Variants in OXR1 observed in about 807,000 individuals in gnomAD.
OXR1 encodes oxidation resistance protein 1.
OXR1 carries 41 observed loss-of-function variants against 104.6 expected under a neutral mutation model. That is an observed-to-expected ratio of 0.39 (90% CI 0.31 to 0.51). OXR1 has a LOEUF of 0.51. Ranked by LOEUF, OXR1 falls within the 20% of genes least tolerant of loss-of-function variation. The pLI is 0.77. For synonymous variants in OXR1, 348 were observed against 348.4 expected, an observed-to-expected ratio of 1.00 and a Z score of 0.01; for missense variants, 955 against 1,031.9, an observed-to-expected ratio of 0.93 and a Z score of 1.02.
intron 9 of OXR1, among the ~76,000 whole-genome samples, chr8:106,710,021 A>C (rs1164935422): frequency 6.6e-6 from 1 of 152,092 alleles, no homozygotes; most frequent in Admixed American, 6.6e-5. Context: ...TGGGTTCCTA[A>C]ATTCACCTAT....
At chr8:106,475,056 C>A (rs1821725533) in intron 2 of OXR1, among the ~76,000 whole-genome samples, 1 of 151,966 alleles carries the variant, frequency 6.6e-6, no homozygotes, top group South Asian at 2.1e-4. Flanking sequence ...CATAGGATTT[C>A]TGTAAAATCA....
intron 12 of OXR1, 29 bp downstream of exon 12, chr8:106,737,629 C>G (rs1194956722): frequency 6.2e-6 from 6 of 972,692 alleles, no homozygotes; most frequent in African/African-American, 1.7e-5. Context: ...TAAACCCCTC[C>G]AGAGACTAAA....
At chr8:106,513,837 G>T (rs1812693001) in intron 2 of OXR1, among the ~76,000 whole-genome samples, 2 of 151,994 alleles carry the variant, frequency 1.3e-5, no homozygotes, top group Admixed American at 1.3e-4. Flanking sequence ...AACCTTTCTG[G>T]GTATATTTTA....
chr8:106,282,883 T>A (rs945910462), intron 1 of OXR1, among the ~76,000 whole-genome samples: 24 of 152,344 alleles, frequency 1.6e-4, no homozygotes, highest in Non-Finnish European at 2.4e-4. Flanking sequence ...ATTCATTCTT[T>A]TAAAATTTGA....
chr8:106,348,451 C>T (rs1005737686), intron 1 of OXR1, among the ~76,000 whole-genome samples: 1 of 152,016 alleles, frequency 6.6e-6, no homozygotes, highest in African/African-American at 2.4e-5. Context: ...TTAAATGTGC[C>T]TAAGATATTT....
chr8:106,658,053 T>C, intron 3 of OXR1: 10 of 1,248,220 alleles, frequency 8.0e-6, no homozygotes, highest in Non-Finnish European at 9.1e-6. Context: ...CAACCGCCTG[T>C]TGGGGTTCGG....
chr8:106,380,253 T>C (rs903483653), intron 2 of OXR1, among the ~76,000 whole-genome samples: 3 of 149,098 alleles, frequency 2.0e-5, no homozygotes, highest in African/African-American at 7.8e-5. Flanking sequence ...TTTTTCCCCT[T>C]AACATAATGT....
chr8:106,310,213 G>C (rs60965846), intron 1 of OXR1, among the ~76,000 whole-genome samples: 6 of 143,992 alleles, frequency 4.2e-5, no homozygotes, highest in African/African-American at 1.6e-4. Flanking sequence ...GTTAATAATT[G>C]GTACAGTTCC....
At chr8:106,647,107 G>A (rs565995321) in intron 3 of OXR1, among the ~76,000 whole-genome samples, 7 of 152,328 alleles carry the variant, frequency 4.6e-5, no homozygotes, top group African/African-American at 1.7e-4. Context: ...AATTATAATT[G>A]TTAACGATGC....
chr8:106,657,994 A>G lies in OXR1; in HGVS notation c.221-21216A>G, dbSNP rs937414931. The G allele has an allele frequency of 1.5e-5, 19 of 1,248,294 alleles. No individual in the cohort carries two copies. In the African/African-American group the frequency reaches 2.5e-4, roughly 16 times the overall value. The allele number at this position is 1,248,294 out of a possible 1,614,324, so 77.3% of individuals were successfully genotyped here. ...GTCCAGCCCCGCGGCAGCATGGACT[A>G]CCTGACGACGTTCACCGAGAAGAGT... On this transcript the variant is annotated intron_variant, in intron 3 of 16. Transcript: ENST00000517566.
chr8:106,451,738 G>A (rs1259610184), intron 2 of OXR1, among the ~76,000 whole-genome samples: 2 of 152,116 alleles, frequency 1.3e-5, no homozygotes, highest in African/African-American at 4.8e-5. Context: ...TAAGTATTCT[G>A]CATATATTTC....
intron 2 of OXR1, among the ~76,000 whole-genome samples, chr8:106,490,256 T>C (rs1374576387): frequency 1.3e-5 from 2 of 152,152 alleles, no homozygotes. Context: ...TGCAGGAATA[T>C]GGTCAGTGTC....
chr8:106,645,925 T>C (rs1271805122), intron 3 of OXR1, among the ~76,000 whole-genome samples: 4 of 152,132 alleles, frequency 2.6e-5, no homozygotes, highest in Admixed American at 6.5e-5. Flanking sequence ...CTTTTTATTG[T>C]ACTTCATTTC....
intron 16 of OXR1, among the ~76,000 whole-genome samples, chr8:106,748,211 C>T (rs1321671465): frequency 6.6e-6 from 1 of 152,192 alleles, no homozygotes; most frequent in Non-Finnish European, 1.5e-5. Context: ...GATAAATGCA[C>T]ATTTAAAGTT....
intron 3 of OXR1, among the ~76,000 whole-genome samples, chr8:106,623,505 A>G (rs1821894891): frequency 6.6e-6 from 1 of 152,138 alleles, no homozygotes; most frequent in African/African-American, 2.4e-5. Flanking sequence ...CTAATGAGAG[A>G]GACAGACACA....
intron 3 of OXR1, among the ~76,000 whole-genome samples, chr8:106,544,477 G>A (rs79822301): frequency 0.013 from 1,982 of 152,200 alleles, 46 homozygotes; most frequent in African/African-American, 0.046. Context: ...GTTCTTTACA[G>A]TATATCTGAT....
At chr8:106,748,986 GT>G (rs1835647334) in intron 16 of OXR1, among the ~76,000 whole-genome samples, 1 of 152,002 alleles carries the variant, frequency 6.6e-6, no homozygotes, top group Admixed American at 6.6e-5. Context: ...ATTTGATGCT[GT>G]TTTTTATTAC....
In OXR1 at chr8:106,706,869, G is replaced by A; in HGVS notation, c.1348G>A (p.Asp450Asn). 6.2e-7 allele frequency: 1 copy of A among 1,611,594 alleles called. No homozygotes were observed. Among genetic ancestry groups the A allele is most frequent in the Non-Finnish European group, 8.5e-7 (1 of 1,179,534 alleles). ...AAGTATAAAAGGTAATTCAGACCAG[G>A]ATTCTTTTCTTCATGAGAATTCGTT... ...STSIKGNSDQ[D>N]SFLHENSLHQ... is the part of the protein sequence containing the mutation. The change falls in exon 9 of 17, where the codon GAT becomes AAT. Residue 450 changes from aspartate to asparagine, a missense_variant. Physicochemically the swap from Asp to Asn is conservative, Grantham distance 23. Transcript: ENST00000517566.
At chr8:106,356,235 A>G (rs530834793) in intron 1 of OXR1, among the ~76,000 whole-genome samples, 9 of 152,292 alleles carry the variant, frequency 5.9e-5, no homozygotes, top group Middle Eastern at 3.4e-3. Flanking sequence ...TGAGAAATAC[A>G]TTACTGGATT....
Sources: gnomAD v4.1 joint callset for allele counts (sites outside exome capture counted in the v4.1 genomes callset) on GRCh38, gnomAD v4.1.1 for gene constraint, MANE v1.5 for transcripts, NCBI Gene and HGNC (gene_info 2026-07-23, HGNC 2026-07-21) for gene names.